VIPR2: variants seen among roughly 807,000 people sequenced by gnomAD.
VIPR2 encodes vasoactive intestinal peptide receptor 2.
Under a neutral mutation model 58.0 loss-of-function variants are expected in VIPR2, and 48 were observed. The observed-to-expected ratio is 0.83, with a 90% confidence interval of 0.66 to 1.05. The LOEUF is 1.05. VIPR2 is among the 50% of genes least tolerant of loss of function. VIPR2 has a pLI of 0.00. For synonymous variants in VIPR2, 243 were observed against 235.2 expected (o/e 1.03, Z -0.30); for missense variants, 534 against 558.0 (o/e 0.96, Z 0.43).
chr7:159,055,555 C>T (rs1257273156), intron 5 of VIPR2, among the ~76,000 whole-genome samples: 1 of 152,126 alleles, frequency 6.6e-6, no homozygotes, highest in Middle Eastern at 3.4e-3. Context: ...ACACCAGTGC[C>T]GCTCCCTCTG....
intron 4 of VIPR2, among the ~76,000 whole-genome samples, chr7:159,103,112 G>A (rs73169250): frequency 0.12 from 18,251 of 152,112 alleles, 1,271 homozygotes; most frequent in East Asian, 0.16. Flanking sequence ...TCCCACACTC[G>A]GGAGAAACAT....
Position 159,095,814 on chromosome 7 carries a change from CTCT to C in VIPR2, c.357+7940_357+7942del, listed in dbSNP as rs1857799668. 7.7e-6 allele frequency among the ~76,000 whole-genome samples: 1 copy of C among 129,222 alleles called. No individual in the cohort carries two copies. Among genetic ancestry groups the C allele is most frequent in the Admixed American group, 7.1e-5 (1 of 14,044 alleles). The allele number at this position is 129,222 out of a possible 152,430, so 84.8% of individuals were successfully genotyped here. ...GAATCCCTTCAAAACTCTTCCTTCT[CTCT>C]TTTTTTTTTAAGTCTTTAACAGACC... On this transcript the variant is annotated intron_variant, in intron 4 of 12. Coordinates refer to ENST00000262178, the MANE Select transcript of VIPR2 (RefSeq NM_003382.5). The surrounding 1 kb of genome is among the most constrained non-coding windows in gnomAD (Gnocchi z 5.2).
At chr7:159,050,507 A>C (rs1181145603) in intron 5 of VIPR2, among the ~76,000 whole-genome samples, 1 of 152,032 alleles carries the variant, frequency 6.6e-6, no homozygotes, top group Non-Finnish European at 1.5e-5. Flanking sequence ...AATCAAATAG[A>C]AAATTTAAAA....
At chr7:159,121,683 A>G (rs73527872) in intron 2 of VIPR2, among the ~76,000 whole-genome samples, 393 of 152,346 alleles carry the variant, frequency 2.6e-3, no homozygotes, top group African/African-American at 8.8e-3. Context: ...CAGTACAATC[A>G]TAACACAGTT....
chr7:159,040,084 T>G (rs568570774), intron 6 of VIPR2, among the ~76,000 whole-genome samples: 2 of 152,264 alleles, frequency 1.3e-5, no homozygotes, highest in African/African-American at 4.8e-5. Context: ...CATCTCTGCA[T>G]TTTTTCCCAT....
At chr7:159,083,984 G>A (rs952475442) in intron 4 of VIPR2, among the ~76,000 whole-genome samples, 1 of 152,186 alleles carries the variant, frequency 6.6e-6, no homozygotes, top group Non-Finnish European at 1.5e-5. Context: ...TTGCTGGATG[G>A]GCTCTGACAA....
intron 3 of VIPR2, among the ~76,000 whole-genome samples, chr7:159,104,126 T>C (rs1436349920): frequency 6.6e-6 from 1 of 152,178 alleles, no homozygotes; most frequent in Non-Finnish European, 1.5e-5. Flanking sequence ...GTGTAGTTCT[T>C]TTGGGGCAGA....
At chr7:159,055,187 CTGAG>C in intron 5 of VIPR2, among the ~76,000 whole-genome samples, 1 of 152,284 alleles carries the variant, frequency 6.6e-6, no homozygotes, top group South Asian at 2.1e-4. Flanking sequence ...TTGCAAAATG[CTGAG>C]TGAAAGAACC....
At position 159,098,208 on chromosome 7, in the gene VIPR2, A is replaced by AGGGCC. The variant is rs1857982127; in HGVS notation, c.357+5544_357+5548dup. Among the ~76,000 whole-genome samples, 1 of 152,226 alleles carries AGGGCC rather than the reference A, an allele frequency of 6.6e-6. No homozygotes were observed. Among genetic ancestry groups the AGGGCC allele is most frequent in the African/African-American group, 2.4e-5 (1 of 41,468 alleles). ...GATGGGATGAAGGGCAGGGCAGGGC[A>AGGGCC]GGGCCGGGTGGTCGGGCCCCAGCAC... On this transcript the variant is annotated intron_variant, in intron 4 of 12. Transcript: ENST00000262178. The surrounding 1 kb of genome is among the most constrained non-coding windows in gnomAD (Gnocchi z 5.2).
intron 5 of VIPR2, among the ~76,000 whole-genome samples, chr7:159,043,867 G>A (rs540189552): frequency 2.3e-4 from 35 of 152,332 alleles, no homozygotes; most frequent in Admixed American, 2.2e-3. Context: ...ACTTGGCAGG[G>A]GAAGCAAACA....
At chr7:159,051,051 CA>C in intron 5 of VIPR2, among the ~76,000 whole-genome samples, 1 of 152,202 alleles carries the variant, frequency 6.6e-6, no homozygotes, top group Middle Eastern at 3.4e-3. Context: ...TTCAAGCAAC[CA>C]AAACTCATAA....
chr7:159,132,606 G>C (rs1386941878), intron 2 of VIPR2, among the ~76,000 whole-genome samples: 2 of 152,264 alleles, frequency 1.3e-5, no homozygotes, highest in African/African-American at 4.8e-5. Context: ...TGCCTTTCTG[G>C]AGAAATGGGT....
Position 159,109,851 on chromosome 7 carries a change from GC to G in VIPR2, c.219del (p.Cys75AlafsTer15). 6.2e-7 allele frequency: 1 copy of G among 1,614,186 alleles called. No homozygotes were observed. ...AAATTGCTGAAGACTTTTGGGCAGG[GC>G]ACCGTGACGGTCTCTCCCACATTGG... Reference protein sequence around the residue: ...RPANVGETVTVPCPKVFSNFY... With the variant: ...RPANVGETVTXPCPKVFSNFY... On this transcript the variant is annotated frameshift_variant, in exon 3 of 13. Coordinates refer to ENST00000262178, the MANE Select transcript of VIPR2 (RefSeq NM_003382.5). LOFTEE classifies it high-confidence loss of function.
chr7:159,042,231 T>C (rs560672211), intron 6 of VIPR2, among the ~76,000 whole-genome samples: 43 of 152,274 alleles, frequency 2.8e-4, no homozygotes, highest in African/African-American at 1.0e-3. Context: ...CTGGAGCTCC[T>C]GGCTCCTTAA....
intron 5 of VIPR2, among the ~76,000 whole-genome samples, chr7:159,044,181 T>G (rs1381312276): frequency 2.6e-5 from 4 of 152,082 alleles, no homozygotes; most frequent in Non-Finnish European, 4.4e-5. Context: ...CAGTTTTTTA[T>G]CTCTTTGACT....
intron 4 of VIPR2, among the ~76,000 whole-genome samples, chr7:159,061,665 TAAAA>T (rs558546280): frequency 6.6e-6 from 1 of 151,230 alleles, no homozygotes; most frequent in African/African-American, 2.4e-5. Flanking sequence ...AAAAAAAAGT[TAAAA>T]AAAAGAAAAA....
chr7:159,059,259 C>T (rs1303462728), intron 4 of VIPR2: 1 of 471,042 alleles, frequency 2.1e-6, no homozygotes, highest in Non-Finnish European at 4.4e-6. Context: ...AAACCAGTGC[C>T]TGTTGCGATA....
In VIPR2 at chr7:159,030,432, T is replaced by G; in HGVS notation, c.*184A>C. On this transcript the variant is annotated 3_prime_UTR_variant, in exon 13 of 13. Transcript: ENST00000262178. ...TCTAAATGCTGGAGTTTAAATCGAG[T>G]CAATGACAACACGACTCCAATTCCA... 1 of 590,840 alleles carries G rather than the reference T, an allele frequency of 1.7e-6. No homozygotes were observed. The highest frequency in any genetic ancestry group is 2.7e-6 in the Non-Finnish European group (1 of 372,890). 36.6% of individuals were successfully genotyped at this position (590,840 alleles called of 1,614,324 possible). A position where few individuals can be genotyped will look rare whatever the true frequency, so the allele number is the denominator to read the frequency against.
chr7:159,135,038 TAAGTAATTGGCCTAGAAAACAATGA>T (rs1797157294), intron 2 of VIPR2, among the ~76,000 whole-genome samples: 1 of 148,840 alleles, frequency 6.7e-6, no homozygotes, highest in Non-Finnish European at 1.5e-5. Flanking sequence ...TTTAACATTT[TAAGTAATTGGCCTAGAAAACAATGA>T]TTTTGTGTTT....
Sources: allele counts gnomAD v4.1 joint callset (sites outside exome capture counted in the v4.1 genomes callset), GRCh38; gene constraint gnomAD v4.1.1; non-coding constraint Gnocchi (gnomAD v3.1); transcripts MANE v1.5; gene names NCBI Gene and HGNC (gene_info 2026-07-23, HGNC 2026-07-21).